Variants in PRKD3 observed in about 807,000 individuals in gnomAD.
PRKD3 encodes the protein protein kinase D3, also known as serine/threonine-protein kinase D3.
Under a neutral mutation model 99.2 loss-of-function variants are expected in PRKD3, and 47 were observed. The ratio of observed to expected loss-of-function variants is 0.47; its 90% confidence interval spans 0.38 to 0.60. The LOEUF (loss-of-function observed/expected upper bound fraction) is 0.60. PRKD3 is among the 20% of genes least tolerant of loss of function. The pLI, the probability that PRKD3 is intolerant of heterozygous loss-of-function variation, is 0.00. For missense variants in PRKD3, 1,019 were observed against 1,088.4 expected (o/e 0.94, Z 0.90); for synonymous variants, 392 against 355.4 (o/e 1.10, Z -1.16).
In PRKD3 at chr2:37,256,942, GGAT is replaced by G. The variant is rs760975741; in HGVS notation, c.2146-16_2146-14del. On this transcript the variant is annotated splice_polypyrimidine_tract_variant and intron_variant, in intron 16 of 18. Transcript: ENST00000234179. Reference sequence around the variant, plus strand: ...CACACAGCTTCACCTGGAAATTGAAGGATGATGTTAATTTTGTATTATAGTGTT... The same window carrying G: ...CACACAGCTTCACCTGGAAATTGAAGGATGTTAATTTTGTATTATAGTGTT... The G allele has an allele frequency of 6.2e-6, 10 of 1,613,448 alleles. No homozygotes were observed. The highest frequency in any genetic ancestry group is 8.5e-6 in the Non-Finnish European group (10 of 1,179,594).
intron 14 of PRKD3, among the ~76,000 whole-genome samples, chr2:37,262,681 T>TC (rs3836069): frequency 2.0e-5 from 3 of 151,684 alleles, no homozygotes; most frequent in South Asian, 4.2e-4. Context: ...CTATGCTTTT[T>TC]CCCCCCTGCC....
chr2:37,316,149 G>A, intron 2 of PRKD3, 88 bp downstream of exon 2: 3 of 1,306,350 alleles, frequency 2.3e-6, no homozygotes, highest in Non-Finnish European at 3.2e-6. Context: ...TGATGGATCA[G>A]TATGTCTTAA....
intron 1 of PRKD3, among the ~76,000 whole-genome samples, chr2:37,320,231 C>G (rs1326968632): frequency 6.6e-6 from 1 of 152,094 alleles, no homozygotes; most frequent in African/African-American, 2.4e-5. Flanking sequence ...GAGATTCAAA[C>G]TAGTTTCCCT....
In PRKD3 at chr2:37,300,287, T is replaced by A. The variant is rs761626200; in HGVS notation, c.289-7016A>T. 2.0e-5 allele frequency among the ~76,000 whole-genome samples: 3 copies of A among 152,106 alleles called. No individual in the cohort carries two copies. The South Asian group carries it at 6.2e-4, about 32-fold the overall frequency. On this transcript the variant is annotated intron_variant, in intron 2 of 18. Coordinates refer to ENST00000234179, the MANE Select transcript of PRKD3 (RefSeq NM_005813.6). ...AAGCCAGGCACAGAAAGACAAGTAT[T>A]GCATGTTCTCACTTGTATGTGAAAA...
At chr2:37,283,571 A>G (rs1276985972) in intron 6 of PRKD3, among the ~76,000 whole-genome samples, 1 of 152,200 alleles carries the variant, frequency 6.6e-6, no homozygotes, top group Non-Finnish European at 1.5e-5. Flanking sequence ...CCTTGTTAAG[A>G]CAGGCCCTAG....
intron 2 of PRKD3, among the ~76,000 whole-genome samples, chr2:37,308,476 G>C (rs1671262504): frequency 6.6e-6 from 1 of 151,980 alleles, no homozygotes; most frequent in African/African-American, 2.4e-5. Context: ...TCAGGCTGCA[G>C]TGAAGTGGCG....
chr2:37,310,614 G>A (rs146657933), intron 2 of PRKD3, among the ~76,000 whole-genome samples: 172 of 152,284 alleles, frequency 1.1e-3, no homozygotes, highest in South Asian at 9.7e-3. Context: ...TAGTTTTATA[G>A]TGGATACAGT....
chr2:37,311,948 C>G (rs1202433025), intron 2 of PRKD3, among the ~76,000 whole-genome samples: 39 of 152,228 alleles, frequency 2.6e-4, no homozygotes, highest in Non-Finnish European at 1.3e-4. Flanking sequence ...TGTTACAAAT[C>G]AAGTCCACAT....
chr2:37,299,448 T>C (rs889913268), intron 2 of PRKD3, among the ~76,000 whole-genome samples: 1 of 151,276 alleles, frequency 6.6e-6, no homozygotes, highest in African/African-American at 2.4e-5. Context: ...GGTAGTGGAC[T>C]GCCTGAGCTC....
At chr2:37,277,307 A>G (rs1669621286) in intron 9 of PRKD3, among the ~76,000 whole-genome samples, 1 of 152,188 alleles carries the variant, frequency 6.6e-6, no homozygotes, top group African/African-American at 2.4e-5. Context: ...AAACTAAGTA[A>G]CTTTCCCAAG....
At chr2:37,307,610 G>C (rs114892120) in intron 2 of PRKD3, among the ~76,000 whole-genome samples, 14 of 152,256 alleles carry the variant, frequency 9.2e-5, no homozygotes, top group African/African-American at 2.9e-4. Context: ...TCTACTAAAT[G>C]TAAGACATCT....
intron 8 of PRKD3, 30 bp downstream of exon 8, chr2:37,279,716 G>T: frequency 6.5e-7 from 1 of 1,543,670 alleles, no homozygotes; most frequent in Non-Finnish European, 8.8e-7. Context: ...CTTGCATCTG[G>T]AAGTAGCTTG....
At chr2:37,278,355 T>C (rs1669674662) in intron 8 of PRKD3, 1 of 156,602 alleles carries the variant, frequency 6.4e-6, no homozygotes, top group African/African-American at 2.4e-5. Flanking sequence ...CATGATGGAC[T>C]AGCAAATCCA....
At chr2:37,286,391 T>C in intron 5 of PRKD3, 22 bp from the exon 6 acceptor site, 1 of 1,597,048 alleles carries the variant, frequency 6.3e-7, no homozygotes, top group Non-Finnish European at 8.6e-7. Flanking sequence ...GTAATTTTCA[T>C]AAGTGTAAGT....
intron 2 of PRKD3, among the ~76,000 whole-genome samples, chr2:37,296,679 G>C (rs112241908): frequency 0.045 from 6,801 of 151,864 alleles, 166 homozygotes; most frequent in African/African-American, 0.052. Flanking sequence ...GGGAAGATCA[G>C]GAGGTCAAGA....
At chr2:37,260,459 T>G (rs1437191764) in intron 14 of PRKD3, 75 bp from the exon 15 acceptor site, 1 of 1,311,578 alleles carries the variant, frequency 7.6e-7, no homozygotes, top group Admixed American at 2.0e-5. Flanking sequence ...TGTGCTATGA[T>G]TGTCTGAAAT....
chr2:37,293,218 A>G lies in PRKD3; in HGVS notation c.342T>C (p.His114=). 6.2e-7 allele frequency: 1 copy of G among 1,603,964 alleles called. No individual in the cohort carries two copies. The change falls in exon 3 of 19, where the codon CAT becomes CAC. Residue 114 remains histidine, a synonymous_variant. Transcript: ENST00000234179. The stretch of plus-strand genomic sequence containing the variant: ...GCAAAATGTTTTCTGAGTTCATGTC[A>G]TGGCGAAAGAGAAGAATTTTGTCAT... ...GMYDKILLFR[H]DMNSENILQL... is the part of the protein sequence containing the mutation.
At chr2:37,292,866 C>T (rs1670500184) in intron 3 of PRKD3, 1 of 245,984 alleles carries the variant, frequency 4.1e-6, no homozygotes, top group Non-Finnish European at 7.8e-6. Context: ...AGGCTGGTCT[C>T]AAACTCCTGA....
intron 2 of PRKD3, among the ~76,000 whole-genome samples, chr2:37,309,729 T>G (rs2124888842): frequency 6.6e-6 from 1 of 150,686 alleles, no homozygotes; most frequent in South Asian, 2.1e-4. Context: ...GTGCCTATAA[T>G]CCCAGCTACT....
Sources: gnomAD v4.1 joint callset for allele counts (sites outside exome capture counted in the v4.1 genomes callset) on GRCh38, gnomAD v4.1.1 for gene constraint, MANE v1.5 for transcripts, NCBI Gene and HGNC (gene_info 2026-07-23, HGNC 2026-07-21) for gene names.